The following MINK1 variants were observed in gnomAD, a reference collection of about 807,000 sequenced individuals.
The protein encoded by MINK1 is misshapen-like kinase 1.
Under a neutral mutation model 178.4 loss-of-function variants are expected in MINK1, and 46 were observed. That is an observed-to-expected ratio of 0.26 (90% CI 0.20 to 0.33). MINK1 has a LOEUF of 0.33. Ranked by LOEUF, MINK1 falls within the 10% of genes least tolerant of loss-of-function variation. The pLI is 1.00. For missense variants in MINK1, 1,366 were observed against 1,814.9 expected (o/e 0.75, Z 4.49); for synonymous variants, 797 against 709.7 (o/e 1.12, Z -1.96).
chr17:4,845,046 C>G (rs1458439377), intron 1 of MINK1, among the ~76,000 whole-genome samples: 1 of 152,166 alleles, frequency 6.6e-6, no homozygotes, highest in Non-Finnish European at 1.5e-5. Context: ...CTGGCACCCA[C>G]CATTCTGCAT....
At chr17:4,864,472 C>G (rs1277899174) in intron 1 of MINK1, among the ~76,000 whole-genome samples, 3 of 151,806 alleles carry the variant, frequency 2.0e-5, no homozygotes, top group Non-Finnish European at 4.4e-5. Flanking sequence ...GCCTGTAATC[C>G]CAGTACTTTG....
In MINK1 at chr17:4,887,546, G is replaced by A; in HGVS notation, c.1020-34G>A. 1 of 1,467,862 alleles carries A rather than the reference G, an allele frequency of 6.8e-7. No homozygotes were observed. The highest frequency in any genetic ancestry group is 9.0e-7 in the Non-Finnish European group (1 of 1,106,716). The allele number at this position is 1,467,862 out of a possible 1,614,324, so 90.9% of individuals were successfully genotyped here. Reference sequence around the variant, plus strand: ...TGAGAGTGGGAACCAACAGGGTTCTGACCCCAGTGCTTCTTTGTGCCACCC... The same window carrying A: ...TGAGAGTGGGAACCAACAGGGTTCTAACCCCAGTGCTTCTTTGTGCCACCC... On this transcript the variant is annotated intron_variant, in intron 11 of 31. Coordinates refer to ENST00000355280, the MANE Select transcript of MINK1 (RefSeq NM_153827.5). This position sits in a 1 kb window ranked among gnomAD's most constrained non-coding sequence, Gnocchi z 7.6.
rs750069696 is a variant in MINK1, at chr17:4,893,541, C to G, written c.2508C>G (p.Asp836Glu). 14 of 1,594,078 alleles carry G rather than the reference C, an allele frequency of 8.8e-6. No individual in the cohort carries two copies. Among genetic ancestry groups the G allele is most frequent in the African/African-American group, 6.7e-5 (5 of 74,350 alleles). ...SSEEVESSED[D>E]EEEGEGGPAE... The stretch of plus-strand genomic sequence containing the variant: ...AGGAGGTGGAAAGCAGTGAGGACGA[C>G]GAGGAGGAAGGCGAAGGCGGGCCAG... The change falls in exon 21 of 32, where the codon GAC becomes GAG. Residue 836 changes from aspartate to glutamate, a missense_variant. Coordinates refer to ENST00000355280, the MANE Select transcript of MINK1 (RefSeq NM_153827.5).
At chr17:4,851,999 C>CAAAAAAAAAA (rs535581252) in intron 1 of MINK1, among the ~76,000 whole-genome samples, 8 of 69,446 alleles carry the variant, frequency 1.2e-4, no homozygotes, top group Admixed American at 3.7e-4. Context: ...GACTCTGTCT[C>CAAAAAAAAAA]AAAAAAAAAA....
At chr17:4,893,633 G>T in intron 21 of MINK1, 36 bp downstream of exon 21, 1 of 1,506,678 alleles carries the variant, frequency 6.6e-7, no homozygotes, top group South Asian at 1.3e-5. Context: ...CCACTCCAAG[G>T]CACAGGGAGG....
At position 4,897,353 on chromosome 17, in the gene MINK1, G is replaced by T; in HGVS notation, c.*66G>T. On this transcript the variant is annotated 3_prime_UTR_variant, in exon 32 of 32. Transcript: ENST00000355280. ...CTCCCCCTGCAGCCAGGCTTCCCGG[G>T]CCGCCCCTCTTTCCCCTCCCTGGGC... is the stretch of plus-strand genomic sequence containing the variant. 2 of 1,487,372 alleles carry T rather than the reference G, an allele frequency of 1.3e-6. No individual in the cohort carries two copies. The highest frequency in any genetic ancestry group is 1.9e-6 in the Non-Finnish European group (2 of 1,072,366). 92.1% of individuals were successfully genotyped at this position (1,487,372 alleles called of 1,614,324 possible).
rs1460654434 is a variant in MINK1, at chr17:4,885,973, C to G, written c.694+8C>G. On this transcript the variant is annotated splice_region_variant and intron_variant, in intron 8 of 31. Transcript: ENST00000355280. The surrounding 1 kb of genome is among the most constrained non-coding windows in gnomAD (Gnocchi z 5.0). ...TGGCAGAGGGAGCCCCCCGTAAGTT[C>G]TGAGTCTGCCGGGAGTGGGAGGGGA... 6.2e-7 allele frequency: 1 copy of G among 1,613,752 alleles called. No homozygotes were observed. The highest frequency in any genetic ancestry group is 1.7e-5 in the Admixed American group (1 of 60,010).
In MINK1 at chr17:4,844,952, C is replaced by G. The variant is rs149869805; in HGVS notation, c.57+11312C>G. 2.0e-5 allele frequency among the ~76,000 whole-genome samples: 3 copies of G among 152,248 alleles called. No individual in the cohort carries two copies. The East Asian group carries it at 5.8e-4, about 29-fold the overall frequency. On this transcript the variant is annotated intron_variant, in intron 1 of 31. Coordinates refer to ENST00000355280, the MANE Select transcript of MINK1 (RefSeq NM_153827.5). ...TTGTTGTGCAACTGTAACCACTATC[C>G]ATCTCCAGAACTTCTTCATCCTCCC...
rs555277904 is a variant in MINK1 at position 4,886,045 on chromosome 17, T to C, written c.695-75T>C. On this transcript the variant is annotated intron_variant, in intron 8 of 31. Transcript: ENST00000355280. This position sits in a 1 kb window ranked among gnomAD's most constrained non-coding sequence, Gnocchi z 6.1. ...GTGGCTGTAGGGAGGAGGTGGGTCC[T>C]GGGACCCTGCCGAGGAAGGGTCCTG... The C allele has an allele frequency of 6.2e-7, 1 of 1,607,624 alleles. No individual in the cohort carries two copies. Among genetic ancestry groups the C allele is most frequent in the Admixed American group, 1.7e-5 (1 of 59,980 alleles).
intron 2 of MINK1, among the ~76,000 whole-genome samples, chr17:4,880,161 A>T (rs1163453487): frequency 6.6e-6 from 1 of 152,054 alleles, no homozygotes; most frequent in African/African-American, 2.4e-5. Flanking sequence ...GCCTTTATTG[A>T]GCCTGTAACT....
In MINK1 at chr17:4,895,315, T is replaced by C. The variant is rs539300936; in HGVS notation, c.3086-35T>C. 1.2e-6 allele frequency: 2 copies of C among 1,604,672 alleles called. No homozygotes were observed. The highest frequency in any genetic ancestry group is 3.4e-5 in the Admixed American group (2 of 59,598). On this transcript the variant is annotated intron_variant, in intron 25 of 31. Transcript: ENST00000355280. The surrounding 1 kb of genome is among the most constrained non-coding windows in gnomAD (Gnocchi z 4.3). The stretch of plus-strand genomic sequence containing the variant: ...GCTCCTGGTTAGGTGAGGGCCTGGC[T>C]GAGCCTCTGACCTGCCCAAGGGCTC...
At chr17:4,865,196 C>T (rs905412825) in intron 1 of MINK1, among the ~76,000 whole-genome samples, 1 of 151,736 alleles carries the variant, frequency 6.6e-6, no homozygotes, top group Non-Finnish European at 1.5e-5. Flanking sequence ...TTTGGGAGGC[C>T]GAGGCGGGCA....
At chr17:4,873,590 A>G (rs991025015) in intron 1 of MINK1, among the ~76,000 whole-genome samples, 1 of 149,926 alleles carries the variant, frequency 6.7e-6, no homozygotes, top group African/African-American at 2.5e-5. Flanking sequence ...ACAACACAGC[A>G]TGGTCTTCGC....
At position 4,887,798 on chromosome 17, in the gene MINK1, G is replaced by A; in HGVS notation, c.1230+8G>A. The A allele has an allele frequency of 6.7e-7, 1 of 1,496,230 alleles. No individual in the cohort carries two copies. Among genetic ancestry groups the A allele is most frequent in the African/African-American group, 1.4e-5 (1 of 71,314 alleles). 92.7% of individuals were successfully genotyped at this position (1,496,230 alleles called of 1,614,324 possible). A position where few individuals can be genotyped will look rare whatever the true frequency, so the allele number is the denominator to read the frequency against. ...CGGCGCCGCGTGGAGGAGGTGGGCTGTCTCCGAAGGGCCCAGGCCTGGCGC... is the reference window on the plus strand; with the variant it reads ...CGGCGCCGCGTGGAGGAGGTGGGCTATCTCCGAAGGGCCCAGGCCTGGCGC... On this transcript the variant is annotated splice_region_variant and intron_variant, in intron 12 of 31. Coordinates refer to ENST00000355280, the MANE Select transcript of MINK1 (RefSeq NM_153827.5). This position sits in a 1 kb window ranked among gnomAD's most constrained non-coding sequence, Gnocchi z 7.6.
intron 14 of MINK1, 32 bp from the exon 15 acceptor site, chr17:4,890,919 G>C (rs758149430): frequency 1.3e-6 from 2 of 1,551,696 alleles, no homozygotes; most frequent in Admixed American, 3.9e-5. Context: ...GGAGGCAAGA[G>C]CTGGCCTGCT....
chr17:4,893,672 G>A (rs549491123), intron 21 of MINK1, 75 bp downstream of exon 21: 6 of 1,466,750 alleles, frequency 4.1e-6, no homozygotes, highest in Middle Eastern at 5.1e-4. Context: ...GGAAGAGGTG[G>A]GGCTTTGGGG....
At chr17:4,865,364 G>A (rs926899810) in intron 1 of MINK1, among the ~76,000 whole-genome samples, 3 of 151,864 alleles carry the variant, frequency 2.0e-5, no homozygotes, top group Non-Finnish European at 4.4e-5. Context: ...AACCCGGGAG[G>A]TGGAGGTTGC....
chr17:4,867,074 A>AAATAATAATAATAATGAT (rs1555533516), intron 1 of MINK1, among the ~76,000 whole-genome samples: 4 of 119,966 alleles, frequency 3.3e-5, no homozygotes, highest in South Asian at 2.8e-4. Flanking sequence ...ACTCGTCTCA[A>AAATAATAATAATAATGAT]AATAATAATA....
In MINK1 at chr17:4,897,350, C is replaced by CGGGCCGCCCCTCTTTCCCCTCCCT; in HGVS notation, c.*68_*91dup. The CGGGCCGCCCCTCTTTCCCCTCCCT allele has an allele frequency of 6.7e-7, 1 of 1,491,518 alleles. No individual in the cohort carries two copies. Among genetic ancestry groups the CGGGCCGCCCCTCTTTCCCCTCCCT allele is most frequent in the Non-Finnish European group, 9.3e-7 (1 of 1,075,620 alleles). 92.4% of individuals were successfully genotyped at this position (1,491,518 alleles called of 1,614,324 possible). ...GCTCTCCCCCTGCAGCCAGGCTTCC[C>CGGGCCGCCCCTCTTTCCCCTCCCT]GGGCCGCCCCTCTTTCCCCTCCCTG... On this transcript the variant is annotated 3_prime_UTR_variant, in exon 32 of 32. Transcript: ENST00000355280.
Sources: gnomAD v4.1 joint callset for allele counts (sites outside exome capture counted in the v4.1 genomes callset) on GRCh38, gnomAD v4.1.1 for gene constraint, Gnocchi (gnomAD v3.1) non-coding constraint, MANE v1.5 for transcripts, NCBI Gene and HGNC (gene_info 2026-07-23, HGNC 2026-07-21) for gene names.